The following SDC4 variants were observed in gnomAD, a reference collection of about 807,000 sequenced individuals.
SDC4 encodes syndecan 4.
Under a neutral mutation model 20.5 loss-of-function variants are expected in SDC4, and 17 were observed. That is an observed-to-expected ratio of 0.83 (90% CI 0.57 to 1.25). The LOEUF (loss-of-function observed/expected upper bound fraction) is 1.25, where lower values mean the gene tolerates loss of function less well. SDC4 is among the 50% of genes most tolerant of loss of function. The pLI is 0.00. For synonymous variants in SDC4, 107 were observed against 105.3 expected, an observed-to-expected ratio of 1.02 and a Z score of -0.10; for missense variants, 241 against 252.3, an observed-to-expected ratio of 0.96 and a Z score of 0.30.
intron 4 of SDC4, 68 bp downstream of exon 4, chr20:45,330,297 TG>T: frequency 7.0e-7 from 1 of 1,419,844 alleles, no homozygotes; most frequent in East Asian, 2.3e-5. Flanking sequence ...CATCCCTGCC[TG>T]CAGGTGCTCT....
At chr20:45,343,575 C>T (rs1389701447) in intron 1 of SDC4, among the ~76,000 whole-genome samples, 2 of 152,106 alleles carry the variant, frequency 1.3e-5, no homozygotes, top group South Asian at 2.1e-4. Context: ...TAAACCCATT[C>T]GATAATTAGC....
chr20:45,348,399 G>T lies in SDC4; in HGVS notation c.-15C>A. The T allele has an allele frequency of 6.4e-7, 1 of 1,554,488 alleles. No homozygotes were observed. The highest frequency in any genetic ancestry group is 8.7e-7 in the Non-Finnish European group (1 of 1,153,640). On this transcript the variant is annotated 5_prime_UTR_variant, in exon 1 of 5. Transcript: ENST00000372733. ...GCGGGGGCCATGGCACCGCGGACTG[G>T]AGAAGGCGCGCAGGCTGCGGCGAGT...
intron 2 of SDC4, among the ~76,000 whole-genome samples, 167 bp downstream of exon 2, chr20:45,335,615 T>C (rs565542766): frequency 2.0e-5 from 3 of 152,178 alleles, no homozygotes; most frequent in South Asian, 2.1e-4. Flanking sequence ...AGGGATGGAA[T>C]AGGTTAATCC....
intron 1 of SDC4, 58 bp from the exon 2 acceptor site, chr20:45,335,978 T>C (rs1020690530): frequency 1.3e-6 from 2 of 1,578,812 alleles, no homozygotes; most frequent in East Asian, 4.5e-5. Flanking sequence ...TGACAGCTGA[T>C]GCCCAAAAGC....
In SDC4 at chr20:45,335,893, G is replaced by A; in HGVS notation, c.88C>T (p.Gln30Ter). ...AAGTATCGGCCTTCTAGGAGGTCCT[G>A]GGGGTCGATGACCTCAGTCTCTCGG... ...SIRETEVIDP[Q>*]DLLEGRYFSG... Residue 30 changes from glutamine (Q) to a stop codon, truncating the protein, a stop_gained, in exon 2 of 5, where the codon CAG becomes TAG. Coordinates refer to ENST00000372733, the MANE Select transcript of SDC4 (RefSeq NM_002999.4). LOFTEE classifies it high-confidence loss of function. The A allele has an allele frequency of 6.2e-7, 1 of 1,613,334 alleles. No homozygotes were observed. The highest frequency in any genetic ancestry group is 8.5e-7 in the Non-Finnish European group (1 of 1,179,884).
intron 1 of SDC4, among the ~76,000 whole-genome samples, chr20:45,337,490 C>T (rs116219955): frequency 0.013 from 1,956 of 152,274 alleles, 45 homozygotes; most frequent in African/African-American, 0.045. Flanking sequence ...CAGGGACTTG[C>T]CCAAGGTCAC....
chr20:45,327,532 C>G, intron 4 of SDC4, 117 bp from the exon 5 acceptor site: 1 of 1,184,418 alleles, frequency 8.4e-7, no homozygotes, highest in Non-Finnish European at 1.2e-6. Flanking sequence ...ACCATCACCA[C>G]TGCCTGTGCC....
Position 45,327,126 on chromosome 20 carries a change from A to C in SDC4, c.*138T>G. 1.2e-6 allele frequency: 1 copy of C among 851,314 alleles called. No homozygotes were observed. Among genetic ancestry groups the C allele is most frequent in the Non-Finnish European group, 1.8e-6 (1 of 555,144 alleles). The allele number at this position is 851,314 out of a possible 1,614,324, so 52.7% of individuals were successfully genotyped here. A position where few individuals can be genotyped will look rare whatever the true frequency, so the allele number is the denominator to read the frequency against. On this transcript the variant is annotated 3_prime_UTR_variant, in exon 5 of 5. Transcript: ENST00000372733. ...ACAGTAGAAGACAATGTCTCTTCTG[A>C]ACACTTCAAAGGTAATCAGAGCTGG...
At chr20:45,347,197 A>G (rs762822137) in intron 1 of SDC4, among the ~76,000 whole-genome samples, 5 of 152,220 alleles carry the variant, frequency 3.3e-5, no homozygotes, top group Non-Finnish European at 5.9e-5. Context: ...GCCTGCAGGC[A>G]GAATCAACCT....
Position 45,327,407 on chromosome 20 carries a change from C to A in SDC4, c.454G>T (p.Val152Leu). 1.2e-6 allele frequency: 2 copies of A among 1,613,946 alleles called. No individual in the cohort carries two copies. Among genetic ancestry groups the A allele is most frequent in the Non-Finnish European group, 1.7e-6 (2 of 1,179,866 alleles). ...ERTEVLAALI[V>L]GGIVGILFAV... The stretch of plus-strand genomic sequence containing the variant: ...AAGAGGATGCCCACGATGCCACCCA[C>A]AATCAGAGCTGGAGAGGAGGAGAGA... The change falls in exon 5 of 5, where the codon GTG becomes TTG. Residue 152 changes from valine (V) to leucine (L), a missense_variant. By Grantham distance (32) the Val-to-Leu change is conservative. Coordinates refer to ENST00000372733, the MANE Select transcript of SDC4 (RefSeq NM_002999.4).
chr20:45,332,713 G>T (rs1466688951), intron 3 of SDC4, among the ~76,000 whole-genome samples: 1 of 151,920 alleles, frequency 6.6e-6, no homozygotes, highest in African/African-American at 2.4e-5. Flanking sequence ...TCCCACCTCA[G>T]CCTCTCAAGT....
chr20:45,328,181 C>T (rs1000532198), intron 4 of SDC4, among the ~76,000 whole-genome samples: 9 of 152,154 alleles, frequency 5.9e-5, no homozygotes, highest in Non-Finnish European at 1.2e-4. Flanking sequence ...ATTCAAAGTG[C>T]ACACATGCAG....
rs145917412 is a variant in SDC4 at position 45,333,711 on chromosome 20, T to C, written c.200-642A>G. 3.3e-3 allele frequency among the ~76,000 whole-genome samples: 506 copies of C among 152,296 alleles called. 4 individuals are homozygous for C. The highest frequency in any genetic ancestry group is 0.011 in the African/African-American group (462 of 41,552). The stretch of plus-strand genomic sequence containing the variant: ...AATTCCCTCCATACGTATTCCTAAA[T>C]ACATTTTTCCCAATAATGGGCTCGT... On this transcript the variant is annotated intron_variant, in intron 2 of 4. Transcript: ENST00000372733.
rs554479807 is a variant in SDC4, at chr20:45,333,211, CA to C, written c.200-143del. The C allele has an allele frequency of 1.0e-3, 748 of 729,830 alleles. 6 individuals carry two copies. The African/African-American group carries it at 0.012, about 12-fold the overall frequency. The allele number at this position is 729,830 out of a possible 1,614,324, so 45.2% of individuals were successfully genotyped here. On this transcript the variant is annotated intron_variant, in intron 2 of 4. Coordinates refer to ENST00000372733, the MANE Select transcript of SDC4 (RefSeq NM_002999.4). ...CAAGCGAGCTTCCCCACCCCTACTT[CA>C]GTCATCTCATCTGTAAAATGGGGCT... is the stretch of plus-strand genomic sequence containing the variant.
Position 45,348,345 on chromosome 20 carries a change from C to G in SDC4, c.40G>C (p.Val14Leu), listed in dbSNP as rs769250938. Residue 14 changes from valine (V) to leucine (L), a missense_variant, in exon 1 of 5, where the codon GTA becomes CTA. Transcript: ENST00000372733. ...ARLFALLLFF[V>L]GGVAESIRET... Reference sequence around the variant, plus strand: ...CCCACCGACTCGGCGACTCCGCCTACGAAGAACAGCAGCAGCGCGAACAGA... The same window carrying G: ...CCCACCGACTCGGCGACTCCGCCTAGGAAGAACAGCAGCAGCGCGAACAGA... The G allele has an allele frequency of 6.3e-7, 1 of 1,592,900 alleles. No homozygotes were observed. The highest frequency in any genetic ancestry group is 8.5e-7 in the Non-Finnish European group (1 of 1,170,932).
intron 3 of SDC4, among the ~76,000 whole-genome samples, chr20:45,331,185 G>A (rs368964948): frequency 1.3e-5 from 2 of 152,144 alleles, no homozygotes; most frequent in African/African-American, 2.4e-5. Flanking sequence ...AAAGGAAATG[G>A]ACTGCAGCAC....
At chr20:45,346,534 G>A (rs1488367327) in intron 1 of SDC4, among the ~76,000 whole-genome samples, 3 of 152,348 alleles carry the variant, frequency 2.0e-5, no homozygotes, top group East Asian at 1.9e-4. Flanking sequence ...CCCCTGGGAG[G>A]AAACTGGCAT....
chr20:45,332,092 A>C lies in SDC4; in HGVS notation c.246+931T>G, dbSNP rs6032118. The stretch of plus-strand genomic sequence containing the variant: ...GCCTATAAAAATGACAAGAGCATTA[A>C]ATTATGCAGGGAAATACTCATGACC... On this transcript the variant is annotated intron_variant, in intron 3 of 4. Coordinates refer to ENST00000372733, the MANE Select transcript of SDC4 (RefSeq NM_002999.4). 1.3e-4 allele frequency among the ~76,000 whole-genome samples: 20 copies of C among 152,310 alleles called. 1 individual carries two copies. The highest frequency in any genetic ancestry group is 4.8e-4 in the African/African-American group (20 of 41,562).
Position 45,348,355 on chromosome 20 carries a change from C to A in SDC4, c.30G>T (p.Leu10=). 1 of 1,592,540 alleles carries A rather than the reference C, an allele frequency of 6.3e-7. No homozygotes were observed. The highest frequency in any genetic ancestry group is 8.5e-7 in the Non-Finnish European group (1 of 1,170,928). Residue 10 remains leucine, a synonymous_variant, in exon 1 of 5, where the codon CTG becomes CTT. Coordinates refer to ENST00000372733, the MANE Select transcript of SDC4 (RefSeq NM_002999.4). Reference sequence around the variant, plus strand: ...CGGCGACTCCGCCTACGAAGAACAGCAGCAGCGCGAACAGACGGGCGGGGG... The same window carrying A: ...CGGCGACTCCGCCTACGAAGAACAGAAGCAGCGCGAACAGACGGGCGGGGG... MAPARLFAL[L]LFFVGGVAES... is the part of the protein sequence containing the mutation.
Sources: gnomAD v4.1 joint callset for allele counts (sites outside exome capture counted in the v4.1 genomes callset) on GRCh38, gnomAD v4.1.1 for gene constraint, MANE v1.5 for transcripts, NCBI Gene and HGNC (gene_info 2026-07-23, HGNC 2026-07-21) for gene names.